The following SLC35F3 variants were observed in gnomAD, a reference collection of about 807,000 sequenced individuals.
SLC35F3 encodes solute carrier family 35 member F3.
In SLC35F3, 25 loss-of-function variants were observed where a neutral mutation model predicts 49.9. The observed-to-expected ratio is 0.50, with a 90% CI of 0.37 to 0.70. The LOEUF (loss-of-function observed/expected upper bound fraction) is 0.70, where lower values mean the gene tolerates loss of function less well. SLC35F3 is among the 30% of genes least tolerant of loss of function. The pLI, the probability that SLC35F3 is intolerant of heterozygous loss-of-function variation, is 0.00. For synonymous variants in SLC35F3, 275 were observed against 265.4 expected, an observed-to-expected ratio of 1.04 and a Z score of -0.35; for missense variants, 525 against 639.8, an observed-to-expected ratio of 0.82 and a Z score of 1.94.
chr1:234,048,731 G>A (rs1009223876), intron 2 of SLC35F3, among the ~76,000 whole-genome samples: 2 of 151,810 alleles, frequency 1.3e-5, no homozygotes, highest in African/African-American at 4.8e-5. Flanking sequence ...GGGTCTGAGA[G>A]GCAGGAGCAA....
intron 2 of SLC35F3, among the ~76,000 whole-genome samples, chr1:234,013,071 G>A (rs1283024788): frequency 1.3e-5 from 2 of 152,162 alleles, no homozygotes; most frequent in Non-Finnish European, 2.9e-5. Context: ...TCCAGGATAG[G>A]CATATGTTAG....
At chr1:234,315,890 T>C (rs902241851) in intron 4 of SLC35F3, among the ~76,000 whole-genome samples, 1 of 152,246 alleles carries the variant, frequency 6.6e-6, no homozygotes, top group Non-Finnish European at 1.5e-5. Context: ...CTATTTACTC[T>C]GGCAATTTCA....
At chr1:233,989,904 G>A (rs10797512) in intron 2 of SLC35F3, among the ~76,000 whole-genome samples, 45,006 of 151,808 alleles carry the variant, frequency 0.3, 6,859 homozygotes, top group East Asian at 0.49. Context: ...AATGATTATC[G>A]TTATTTAATA....
intron 2 of SLC35F3, among the ~76,000 whole-genome samples, chr1:234,117,962 G>A (rs866073380): frequency 0.61 from 64,514 of 105,528 alleles, 19,882 homozygotes; most frequent in East Asian, 0.81. Flanking sequence ...GTGTGTGTGT[G>A]TGTATATATA....
At chr1:234,189,236 A>G (rs930651600) in intron 2 of SLC35F3, among the ~76,000 whole-genome samples, 1 of 152,106 alleles carries the variant, frequency 6.6e-6, no homozygotes. Flanking sequence ...TTGCCAGAAC[A>G]AGAATTCAGA....
At chr1:233,938,349 C>T (rs943901107) in intron 2 of SLC35F3, among the ~76,000 whole-genome samples, 4 of 152,180 alleles carry the variant, frequency 2.6e-5, no homozygotes, top group East Asian at 1.9e-4. Flanking sequence ...TGGCTGAACC[C>T]GGGTTATATG....
intron 2 of SLC35F3, among the ~76,000 whole-genome samples, chr1:234,109,149 A>G (rs1309311510): frequency 1.3e-5 from 2 of 152,164 alleles, no homozygotes; most frequent in Non-Finnish European, 2.9e-5. Context: ...CATTGTTTGC[A>G]GTAAGAGTGA....
intron 4 of SLC35F3, among the ~76,000 whole-genome samples, chr1:234,314,049 T>C (rs997744540): frequency 6.6e-6 from 1 of 152,190 alleles, no homozygotes; most frequent in Non-Finnish European, 1.5e-5. Context: ...ATAGCAGGGC[T>C]GCTGATGTCC....
chr1:234,196,714 C>A (rs189411311), intron 2 of SLC35F3, among the ~76,000 whole-genome samples: 3 of 152,140 alleles, frequency 2.0e-5, no homozygotes, highest in Admixed American at 2.0e-4. Flanking sequence ...CTGAGGTGGG[C>A]GGATCACCTG....
chr1:234,187,911 G>T (rs549043642), intron 2 of SLC35F3, among the ~76,000 whole-genome samples: 33 of 152,266 alleles, frequency 2.2e-4, no homozygotes, highest in African/African-American at 7.9e-4. Flanking sequence ...TCCGGGTAGG[G>T]CATGAATCTG....
chr1:234,134,308 T>C (rs1665777638), intron 2 of SLC35F3, among the ~76,000 whole-genome samples: 1 of 148,754 alleles, frequency 6.7e-6, no homozygotes, highest in Admixed American at 6.7e-5. Context: ...TTATATGCAA[T>C]TATATATACA....
chr1:234,079,221 G>A (rs1664839851), intron 2 of SLC35F3, among the ~76,000 whole-genome samples: 1 of 152,168 alleles, frequency 6.6e-6, no homozygotes, highest in African/African-American at 2.4e-5. Flanking sequence ...TATTCAATGG[G>A]GAAGTAACCT....
intron 2 of SLC35F3, among the ~76,000 whole-genome samples, chr1:234,066,529 G>A (rs376937949): frequency 9.2e-5 from 14 of 152,170 alleles, no homozygotes; most frequent in African/African-American, 3.4e-4. Context: ...ATGGGAGGAC[G>A]CCAGGAAGGC....
chr1:234,283,653 G>A (rs551243591), intron 3 of SLC35F3, among the ~76,000 whole-genome samples: 14 of 152,204 alleles, frequency 9.2e-5, no homozygotes, highest in Non-Finnish European at 1.8e-4. Context: ...TTAAAAGAGG[G>A]AGAATCCCCC....
chr1:234,323,406 AC>A lies in SLC35F3; in HGVS notation c.*165del, dbSNP rs1413963216. ...ATTTGCTTGCACTTTTCCACATCAG[AC>A]CTTCCACTTAAGGGTACCAATTCAA... On this transcript the variant is annotated 3_prime_UTR_variant, in exon 8 of 8. Transcript: ENST00000366618. This position sits in a 1 kb window ranked among gnomAD's most constrained non-coding sequence, Gnocchi z 4.5. The A allele has an allele frequency of 1.6e-6, 1 of 617,638 alleles. No individual in the cohort carries two copies. The highest frequency in any genetic ancestry group is 1.8e-5 in the African/African-American group (1 of 54,136). The allele number at this position is 617,638 out of a possible 1,614,324, so 38.3% of individuals were successfully genotyped here. A position where few individuals can be genotyped will look rare whatever the true frequency, so the allele number is the denominator to read the frequency against.
chr1:234,158,463 A>G, intron 2 of SLC35F3, among the ~76,000 whole-genome samples: 1 of 152,218 alleles, frequency 6.6e-6, no homozygotes, highest in East Asian at 1.9e-4. Flanking sequence ...TCACTGAAAA[A>G]TAAATACATA....
intron 5 of SLC35F3, among the ~76,000 whole-genome samples, chr1:234,317,384 C>A (rs143091690): frequency 3.3e-5 from 5 of 151,238 alleles, no homozygotes; most frequent in South Asian, 2.1e-4. Context: ...TGCTCTCCCC[C>A]CTCACTTCCC....
chr1:233,956,953 C>CGTGA (rs1459652505), intron 2 of SLC35F3, among the ~76,000 whole-genome samples: 1 of 152,176 alleles, frequency 6.6e-6, no homozygotes, highest in Non-Finnish European at 1.5e-5. Flanking sequence ...AATGGCAAGC[C>CGTGA]GTGACCATGC....
intron 2 of SLC35F3, among the ~76,000 whole-genome samples, chr1:233,930,945 A>T (rs1363223756): frequency 6.6e-6 from 1 of 152,178 alleles, no homozygotes; most frequent in Non-Finnish European, 1.5e-5. Flanking sequence ...ACAGATATAT[A>T]GACCAATGGA....
Sources: allele counts gnomAD v4.1 joint callset (sites outside exome capture counted in the v4.1 genomes callset), GRCh38; gene constraint gnomAD v4.1.1; non-coding constraint Gnocchi (gnomAD v3.1); transcripts MANE v1.5; gene names NCBI Gene and HGNC (gene_info 2026-07-23, HGNC 2026-07-21).